Variants in ZRANB3 observed in about 807,000 individuals in gnomAD.
ZRANB3 encodes the protein zinc finger RANBP2-type containing 3, also known as DNA annealing helicase and endonuclease ZRANB3.
In ZRANB3, 125 loss-of-function variants were observed where a neutral mutation model predicts 133.8. The ratio of observed to expected loss-of-function variants is 0.93; its 90% CI spans 0.81 to 1.08. The LOEUF (loss-of-function observed/expected upper bound fraction) is 1.08. Ranked by LOEUF, ZRANB3 falls within the 50% of genes least tolerant of loss-of-function variation. The pLI is 0.00. For missense variants in ZRANB3, 1,229 were observed against 1,275.5 expected (o/e 0.96, Z 0.56); for synonymous variants, 387 against 432.7 (o/e 0.89, Z 1.31).
chr2:135,480,112 T>G (rs990120953), intron 2 of ZRANB3, among the ~76,000 whole-genome samples: 6 of 151,386 alleles, frequency 4.0e-5, no homozygotes, highest in Non-Finnish European at 7.4e-5. Flanking sequence ...TTTTTTTTTT[T>G]TTTGTATTTT....
chr2:135,475,897 G>T (rs1238605765), intron 2 of ZRANB3, among the ~76,000 whole-genome samples: 1 of 152,036 alleles, frequency 6.6e-6, no homozygotes, highest in African/African-American at 2.4e-5. Context: ...GGCCAACATG[G>T]TAAAACCCAG....
intron 1 of ZRANB3, among the ~76,000 whole-genome samples, chr2:135,529,892 A>G (rs1694380871): frequency 6.6e-6 from 1 of 151,754 alleles, no homozygotes; most frequent in Non-Finnish European, 1.5e-5. Context: ...TCAAACAGAA[A>G]AGCCCTTTTC....
In ZRANB3 at chr2:135,416,777, G is replaced by C. The variant is rs980876866; in HGVS notation, c.162-25957C>G. On this transcript the variant is annotated intron_variant, in intron 2 of 20. Coordinates refer to ENST00000264159, the MANE Select transcript of ZRANB3 (RefSeq NM_032143.4). Reference sequence around the variant, plus strand: ...AAAACAGAGATATAGATCAATGGAAGAGAACAGAGCCCTCAGAAATAACGC... The same window carrying C: ...AAAACAGAGATATAGATCAATGGAACAGAACAGAGCCCTCAGAAATAACGC... 2.5e-4 allele frequency among the ~76,000 whole-genome samples: 38 copies of C among 152,198 alleles called. 1 individual carries two copies. Among genetic ancestry groups the C allele is most frequent in the South Asian group, 1.0e-3 (5 of 4,820 alleles).
intron 2 of ZRANB3, among the ~76,000 whole-genome samples, chr2:135,410,490 A>G (rs1315871075): frequency 6.6e-6 from 1 of 152,158 alleles, no homozygotes; most frequent in Non-Finnish European, 1.5e-5. Flanking sequence ...TTAACTCAAG[A>G]TGGTTTAAAT....
At chr2:135,323,849 C>T (rs1188683821) in intron 6 of ZRANB3, among the ~76,000 whole-genome samples, 1 of 151,954 alleles carries the variant, frequency 6.6e-6, no homozygotes, top group East Asian at 1.9e-4. Context: ...CTCACTGCAA[C>T]CTCTGCCTCC....
intron 3 of ZRANB3, among the ~76,000 whole-genome samples, chr2:135,386,175 G>A (rs1020383600): frequency 6.6e-6 from 1 of 152,020 alleles, no homozygotes; most frequent in Non-Finnish European, 1.5e-5. Flanking sequence ...TCAAAAAGTG[G>A]GCAAAGGATA....
intron 6 of ZRANB3, among the ~76,000 whole-genome samples, chr2:135,330,021 CTT>C (rs1684058754): frequency 1.3e-5 from 2 of 152,186 alleles, no homozygotes; most frequent in Admixed American, 1.3e-4. Context: ...TTGACTTCCT[CTT>C]TTCCTAACTG....
chr2:135,216,896 G>C (rs1211844854), intron 17 of ZRANB3, among the ~76,000 whole-genome samples: 1 of 152,146 alleles, frequency 6.6e-6, no homozygotes, highest in Non-Finnish European at 1.5e-5. Context: ...GTGATGACAA[G>C]GAAGGAAATC....
rs188396105 is a variant in ZRANB3 at position 135,227,539 on chromosome 2, T to C, written c.2158+273A>G. On this transcript the variant is annotated intron_variant, in intron 14 of 20. Coordinates refer to ENST00000264159, the MANE Select transcript of ZRANB3 (RefSeq NM_032143.4). ...CAACACCCTTACTGTGTGAATGAGC[T>C]AGGCTTGGTTGAGGCTGGGCAACAG... 5.3e-5 allele frequency among the ~76,000 whole-genome samples: 8 copies of C among 152,340 alleles called. No homozygotes were observed. In the East Asian group the frequency reaches 1.5e-3, roughly 29 times the overall value.
At chr2:135,394,691 T>C (rs2104930749) in intron 2 of ZRANB3, among the ~76,000 whole-genome samples, 1 of 151,986 alleles carries the variant, frequency 6.6e-6, no homozygotes, top group Admixed American at 6.6e-5. Context: ...AAAATTAAAA[T>C]GGTTAAGGTA....
chr2:135,205,100 A>G (rs898695174), intron 19 of ZRANB3, among the ~76,000 whole-genome samples: 7 of 152,148 alleles, frequency 4.6e-5, no homozygotes, highest in Non-Finnish European at 8.8e-5. Context: ...TCTCAGAGAC[A>G]TGCTAATTCA....
At chr2:135,453,887 A>G (rs908065902) in intron 2 of ZRANB3, among the ~76,000 whole-genome samples, 1 of 152,012 alleles carries the variant, frequency 6.6e-6, no homozygotes, top group African/African-American at 2.4e-5. Flanking sequence ...GCAACGCCCA[A>G]CTCTACTGAT....
At chr2:135,467,882 A>G (rs1239868175) in intron 2 of ZRANB3, among the ~76,000 whole-genome samples, 3 of 152,216 alleles carry the variant, frequency 2.0e-5, no homozygotes, top group East Asian at 3.8e-4. Flanking sequence ...TATACTGGTA[A>G]GCTTAGGCAA....
At chr2:135,520,507 G>C (rs1215062569) in intron 1 of ZRANB3, among the ~76,000 whole-genome samples, 1 of 151,862 alleles carries the variant, frequency 6.6e-6, no homozygotes, top group Non-Finnish European at 1.5e-5. Flanking sequence ...CAAACTCCTG[G>C]GCTCACACAA....
intron 2 of ZRANB3, among the ~76,000 whole-genome samples, chr2:135,438,819 T>C (rs1689658973): frequency 6.6e-6 from 1 of 152,134 alleles, no homozygotes; most frequent in Non-Finnish European, 1.5e-5. Context: ...TGGGCTCTAA[T>C]GAACATCTCT....
intron 3 of ZRANB3, among the ~76,000 whole-genome samples, chr2:135,360,349 C>T (rs141808264): frequency 6.6e-6 from 1 of 151,626 alleles, no homozygotes; most frequent in Admixed American, 6.6e-5. Flanking sequence ...CGTTTGTACT[C>T]CAGCCTGGGC....
In ZRANB3 at chr2:135,309,415, TA is replaced by T. The variant is rs111349856; in HGVS notation, c.966+4073del. Among the ~76,000 whole-genome samples the T allele has an allele frequency of 3.0e-3, 451 of 152,150 alleles. 3 individuals carry two copies. The highest frequency in any genetic ancestry group is 0.01 in the African/African-American group (420 of 41,514). ...CCTTCAACGTAATAGGCAAAACAAA[TA>T]AATAAAAGGCATATATATTACAAGG... On this transcript the variant is annotated intron_variant, in intron 8 of 20. Transcript: ENST00000264159.
intron 9 of ZRANB3, among the ~76,000 whole-genome samples, chr2:135,272,280 T>A (rs1042150210): frequency 3.9e-5 from 6 of 152,086 alleles, no homozygotes; most frequent in Non-Finnish European, 7.4e-5. Context: ...AGTTATAAGA[T>A]CACTAATTCT....
chr2:135,313,671 A>G (rs1429150554), intron 7 of ZRANB3, 66 bp from the exon 8 acceptor site: 1 of 981,208 alleles, frequency 1.0e-6, no homozygotes, highest in Non-Finnish European at 1.5e-6. Flanking sequence ...TAATGCAATC[A>G]TGAATCATGT....
Sources: allele counts gnomAD v4.1 joint callset (sites outside exome capture counted in the v4.1 genomes callset), GRCh38; gene constraint gnomAD v4.1.1; transcripts MANE v1.5; gene names NCBI Gene and HGNC (gene_info 2026-07-23, HGNC 2026-07-21).